Variants in CHODL observed in about 807,000 individuals in gnomAD.
The protein encoded by CHODL is transmembrane protein MT75.
A neutral mutation model predicts 34.5 loss-of-function variants in CHODL; 29 were observed. That is an observed-to-expected ratio of 0.84 (90% confidence interval 0.63 to 1.15). The LOEUF is 1.15. Ranked by LOEUF, CHODL falls within the 50% of genes most tolerant of loss-of-function variation. The pLI, the probability that CHODL is intolerant of heterozygous loss-of-function variation, is 0.00. For synonymous variants in CHODL, 125 were observed against 116.1 expected (o/e 1.08, Z -0.49); for missense variants, 332 against 332.5 (o/e 1.00, Z 0.01).
intron 2 of CHODL, among the ~76,000 whole-genome samples, chr21:18,110,309 C>T (rs1156453668): frequency 3.9e-5 from 6 of 152,070 alleles, no homozygotes; most frequent in Non-Finnish European, 7.4e-5. Flanking sequence ...GAATTTTTTG[C>T]CACACTTTTC....
chr21:18,127,672 G>GTTTTTTTTTT lies in CHODL; in HGVS notation c.-45+99721_-45+99730dup, dbSNP rs71318127. ...TTACATAACCAGTTGCGTTGCCATT[G>GTTTTTTTTTT]TTTTTTTTTTTTTTTTTTTTTTTTT... On this transcript the variant is annotated intron_variant, in intron 2 of 6. Transcript: ENST00000400127. Among the ~76,000 whole-genome samples the GTTTTTTTTTT allele has an allele frequency of 2.3e-3, 160 of 70,028 alleles. 11 individuals are homozygous for GTTTTTTTTTT. Among genetic ancestry groups the GTTTTTTTTTT allele is most frequent in the African/African-American group, 2.4e-3 (45 of 18,918 alleles). The allele number at this position is 70,028 out of a possible 152,430, so 45.9% of individuals were successfully genotyped here. A position where few individuals can be genotyped will look rare whatever the true frequency, so the allele number is the denominator to read the frequency against.
At chr21:18,237,266 A>G (rs1265407530) in intron 2 of CHODL, among the ~76,000 whole-genome samples, 1 of 152,228 alleles carries the variant, frequency 6.6e-6, no homozygotes, top group South Asian at 2.1e-4. Context: ...AATTTAGACT[A>G]TCTATCTAGG....
chr21:17,955,378 G>A lies in CHODL; in HGVS notation c.-145+37978G>A, dbSNP rs569644259. ...AGAAAAACCCTGACTTCTTTAGTAG[G>A]GGTTGTGCTATTATTGTCATAGATG... On this transcript the variant is annotated intron_variant, in intron 1 of 6. Coordinates refer to the CHODL transcript ENST00000400127. Among the ~76,000 whole-genome samples the A allele has an allele frequency of 4.4e-5, 6 of 136,712 alleles. No individual in the cohort carries two copies. The East Asian group carries it at 1.3e-3, about 30-fold the overall frequency. The allele number at this position is 136,712 out of a possible 152,430, so 89.7% of individuals were successfully genotyped here.
intron 2 of CHODL, among the ~76,000 whole-genome samples, chr21:18,153,479 CT>C (rs1308289624): frequency 6.6e-6 from 1 of 151,950 alleles, no homozygotes; most frequent in Non-Finnish European, 1.5e-5. Context: ...CCCTTTTTGC[CT>C]CGTAACTTCT....
At chr21:18,188,139 T>C (rs1387282753) in intron 2 of CHODL, among the ~76,000 whole-genome samples, 1 of 152,132 alleles carries the variant, frequency 6.6e-6, no homozygotes, top group Non-Finnish European at 1.5e-5. Context: ...AGCATACTTT[T>C]CTCTTGGATT....
At chr21:18,026,107 A>G (rs2824605) in intron 1 of CHODL, among the ~76,000 whole-genome samples, 16,148 of 152,180 alleles carry the variant, frequency 0.11, 1,509 homozygotes, top group African/African-American at 0.25. Context: ...CTAAGCACCT[A>G]TATCAGTTCC....
chr21:17,947,530 GAAAC>G (rs970708485), intron 1 of CHODL, among the ~76,000 whole-genome samples: 2 of 112,136 alleles, frequency 1.8e-5, no homozygotes, highest in African/African-American at 6.7e-5. Flanking sequence ...AACCTAATAA[GAAAC>G]ACACACACAG....
intron 1 of CHODL, among the ~76,000 whole-genome samples, chr21:17,947,693 A>G (rs2063422779): frequency 6.6e-6 from 1 of 152,148 alleles, no homozygotes; most frequent in Non-Finnish European, 1.5e-5. Flanking sequence ...TGGGAAAAAG[A>G]GAAAGTTTAT....
intron 2 of CHODL, among the ~76,000 whole-genome samples, chr21:18,044,304 C>A (rs1024452127): frequency 2.3e-4 from 35 of 151,912 alleles, no homozygotes; most frequent in Non-Finnish European, 7.4e-5. Context: ...ACATTTAAAA[C>A]TAACATTGAA....
At chr21:18,249,041 TA>T in intron 1 of CHODL, among the ~76,000 whole-genome samples, 3 of 120,420 alleles carry the variant, frequency 2.5e-5, no homozygotes, top group African/African-American at 1.0e-4. Flanking sequence ...ATATATATAA[TA>T]TTATATATAT....
At chr21:18,221,705 A>T (rs578037346) in intron 2 of CHODL, among the ~76,000 whole-genome samples, 3 of 152,310 alleles carry the variant, frequency 2.0e-5, no homozygotes, top group African/African-American at 7.2e-5. Context: ...TACTCTGGTA[A>T]GGCTTTGCTG....
intron 2 of CHODL, among the ~76,000 whole-genome samples, chr21:18,175,893 G>T (rs2073303619): frequency 6.6e-6 from 1 of 152,116 alleles, no homozygotes; most frequent in Non-Finnish European, 1.5e-5. Flanking sequence ...CTTGTGAAAA[G>T]AGCTAAAGAC....
intron 1 of CHODL, among the ~76,000 whole-genome samples, chr21:17,951,811 A>T (rs2063459640): frequency 6.6e-6 from 1 of 152,252 alleles, no homozygotes; most frequent in African/African-American, 2.4e-5. Flanking sequence ...AAATTGATCA[A>T]ATTGAACAGA....
chr21:17,925,596 G>T (rs1489478938), intron 1 of CHODL, among the ~76,000 whole-genome samples: 1 of 152,216 alleles, frequency 6.6e-6, no homozygotes, highest in Non-Finnish European at 1.5e-5. Context: ...CTTTTTCATT[G>T]TCATGAATTG....
At chr21:18,027,149 C>T (rs2064185246) in intron 1 of CHODL, among the ~76,000 whole-genome samples, 1 of 151,984 alleles carries the variant, frequency 6.6e-6, no homozygotes, top group South Asian at 2.1e-4. Context: ...TGGCACATGC[C>T]TCTCATTCTA....
At chr21:18,070,683 C>T (rs2064792721) in intron 2 of CHODL, among the ~76,000 whole-genome samples, 1 of 152,108 alleles carries the variant, frequency 6.6e-6, no homozygotes, top group African/African-American at 2.4e-5. Flanking sequence ...TATAGATATG[C>T]AGAAACCAAG....
intron 2 of CHODL, among the ~76,000 whole-genome samples, chr21:18,109,705 T>A (rs2065323693): frequency 6.6e-6 from 1 of 152,170 alleles, no homozygotes; most frequent in Admixed American, 6.6e-5. Context: ...AATAAATAAT[T>A]TTTTTAAGTC....
rs368339020 is a variant in CHODL at position 18,253,590 on chromosome 21, A to G, written c.80-2919A>G. 1.1e-3 allele frequency among the ~76,000 whole-genome samples: 165 copies of G among 152,274 alleles called. 4 individuals are homozygous for G. Among genetic ancestry groups the G allele is most frequent in the African/African-American group, 3.8e-3 (156 of 41,564 alleles). On this transcript the variant is annotated intron_variant, in intron 1 of 5. Transcript: ENST00000299295. ...TGTTAGGCTCTGACTGAGAACAACC[A>G]TTTTAAATGATGAAATCATCACAAA...
chr21:18,255,262 A>G (rs757260181), intron 1 of CHODL, among the ~76,000 whole-genome samples: 1 of 152,090 alleles, frequency 6.6e-6, no homozygotes, highest in Non-Finnish European at 1.5e-5. Context: ...AACCACCAGT[A>G]GTAAGATTAA....
Sources: allele counts gnomAD v4.1 joint callset (sites outside exome capture counted in the v4.1 genomes callset), GRCh38; gene constraint gnomAD v4.1.1; transcripts MANE v1.5; gene names NCBI Gene and HGNC (gene_info 2026-07-23, HGNC 2026-07-21).